UBE2Q2: variants seen among roughly 807,000 people sequenced by gnomAD.
UBE2Q2 encodes the protein ubiquitin-conjugating enzyme E2 Q2.
UBE2Q2 carries 54 observed loss-of-function variants against 59.9 expected under a neutral mutation model. The observed-to-expected ratio is 0.90, with a 90% CI of 0.72 to 1.13. UBE2Q2 has a LOEUF of 1.13. UBE2Q2 is among the 50% of genes most tolerant of loss of function. UBE2Q2 has a pLI of 0.00. For missense variants in UBE2Q2, 433 were observed against 441.9 expected, an observed-to-expected ratio of 0.98 and a Z score of 0.18; for synonymous variants, 165 against 155.2, an observed-to-expected ratio of 1.06 and a Z score of -0.47.
chr15:75,851,059 C>T (rs1311690672), intron 1 of UBE2Q2, among the ~76,000 whole-genome samples: 1 of 151,922 alleles, frequency 6.6e-6, no homozygotes. Flanking sequence ...TAAACAAAAT[C>T]CAACCTTATA....
At chr15:75,867,680 A>G (rs567840347) in intron 3 of UBE2Q2, among the ~76,000 whole-genome samples, 1 of 152,248 alleles carries the variant, frequency 6.6e-6, no homozygotes, top group South Asian at 2.1e-4. Flanking sequence ...AAAATGAGGG[A>G]TAGTAACTGG....
chr15:75,859,124 A>G (rs912240861), intron 2 of UBE2Q2, among the ~76,000 whole-genome samples: 24 of 152,356 alleles, frequency 1.6e-4, no homozygotes, highest in African/African-American at 5.8e-4. Flanking sequence ...ACTTGTGCAC[A>G]TGATTTACCT....
At chr15:75,879,067 T>C in intron 7 of UBE2Q2, 31 bp from the exon 8 acceptor site, 1 of 1,478,972 alleles carries the variant, frequency 6.8e-7, no homozygotes, top group African/African-American at 1.4e-5. Context: ...TAACTTTTTA[T>C]TTGAACTGTT....
chr15:75,863,649 T>C (rs570657455), intron 3 of UBE2Q2, among the ~76,000 whole-genome samples: 58 of 151,470 alleles, frequency 3.8e-4, no homozygotes, highest in Non-Finnish European at 6.2e-4. Context: ...GGCCAGTCTT[T>C]TTTTTTTTTT....
chr15:75,853,731 A>C (rs1375237148), intron 1 of UBE2Q2, among the ~76,000 whole-genome samples: 1 of 152,138 alleles, frequency 6.6e-6, no homozygotes, highest in Non-Finnish European at 1.5e-5. Flanking sequence ...GCCTCTCACC[A>C]GGCAGCGAAG....
intron 12 of UBE2Q2, 136 bp downstream of exon 12, chr15:75,897,197 A>C (rs1595903291): frequency 5.9e-6 from 2 of 337,062 alleles, no homozygotes; most frequent in East Asian, 9.7e-5. Flanking sequence ...CTTGTGCTGC[A>C]TACAAAATCT....
chr15:75,845,527 A>G (rs1896299375), intron 1 of UBE2Q2, among the ~76,000 whole-genome samples: 1 of 152,158 alleles, frequency 6.6e-6, no homozygotes, highest in South Asian at 2.1e-4. Context: ...GGCTGGTTTG[A>G]ATGATAGGAG....
chr15:75,885,406 G>T (rs905718159), intron 9 of UBE2Q2, among the ~76,000 whole-genome samples: 1 of 152,164 alleles, frequency 6.6e-6, no homozygotes, highest in Non-Finnish European at 1.5e-5. Context: ...ATGAGCTACC[G>T]CACCCCACCT....
chr15:75,876,687 AGTTAT>A lies in UBE2Q2; in HGVS notation c.673+422_673+426del, dbSNP rs1390396846. ...GATAATCAGCTTTTATTGTAAAGAT[AGTTAT>A]GTTATTACCTTTAAAATATATAAGT... On this transcript the variant is annotated intron_variant, in intron 6 of 12. Transcript: ENST00000267938. Among the ~76,000 whole-genome samples the A allele has an allele frequency of 2.6e-5, 4 of 152,310 alleles. No homozygotes were observed. In the East Asian group the frequency reaches 5.8e-4, roughly 22 times the overall value.
intron 1 of UBE2Q2, among the ~76,000 whole-genome samples, chr15:75,848,348 A>G (rs187660368): frequency 4.2e-4 from 64 of 152,362 alleles, no homozygotes; most frequent in African/African-American, 1.5e-3. Context: ...TACAAAGGAA[A>G]TAAACCTGGA....
intron 4 of UBE2Q2, among the ~76,000 whole-genome samples, chr15:75,869,923 G>T (rs1170621973): frequency 6.6e-6 from 1 of 152,026 alleles, no homozygotes; most frequent in Non-Finnish European, 1.5e-5. Flanking sequence ...CCAAATAGAG[G>T]ATATGTGAAT....
At chr15:75,843,876 C>T in intron 1 of UBE2Q2, 30 bp downstream of exon 1, 3 of 1,531,478 alleles carry the variant, frequency 2.0e-6, no homozygotes, top group Non-Finnish European at 2.6e-6. Flanking sequence ...CCCCGCGGGG[C>T]AGGGCGAGGA....
intron 9 of UBE2Q2, among the ~76,000 whole-genome samples, chr15:75,888,058 C>T (rs1351355720): frequency 6.6e-6 from 1 of 152,148 alleles, no homozygotes; most frequent in Non-Finnish European, 1.5e-5. Flanking sequence ...TATTTCTTGA[C>T]ATAGCCAAAC....
chr15:75,885,274 T>C (rs911817946), intron 9 of UBE2Q2, among the ~76,000 whole-genome samples: 8 of 152,106 alleles, frequency 5.3e-5, no homozygotes, highest in African/African-American at 1.7e-4. Flanking sequence ...TGCGCCACCA[T>C]GTCCAGCTAA....
At position 75,873,552 on chromosome 15, in the gene UBE2Q2, G is replaced by A. The variant is rs771904078; in HGVS notation, c.572G>A (p.Arg191Lys). ...AILEKIRKTQ[R>K]QDHLNGAVSG... Reference sequence around the variant, plus strand: ...TTAGAGAAAATTAGGAAGACTCAAAGGCAAGACCATTTAAATGTAAGTGTG... The same window carrying A: ...TTAGAGAAAATTAGGAAGACTCAAAAGCAAGACCATTTAAATGTAAGTGTG... The change falls in exon 5 of 13, where the codon AGG becomes AAG. Residue 191 changes from arginine to lysine, a missense_variant. Coordinates refer to ENST00000267938, the MANE Select transcript of UBE2Q2 (RefSeq NM_173469.4). The A allele has an allele frequency of 5.6e-6, 9 of 1,612,586 alleles. No homozygotes were observed. The Admixed American group carries it at 1.5e-4, about 27-fold the overall frequency.
At position 75,873,464 on chromosome 15, in the gene UBE2Q2, G is replaced by C. The variant is rs765602638; in HGVS notation, c.484G>C (p.Glu162Gln). ...EDLDHYEMKE[E>Q]EPISGKKSED... ...CTTAGATCACTATGAGATGAAGGAA[G>C]AAGAGCCTATTAGTGGGAAAAAGTC... Residue 162 changes from glutamate (E) to glutamine (Q), a missense_variant, in exon 5 of 13, where the codon GAA (glutamate) becomes CAA (glutamine). Transcript: ENST00000267938. 6.8e-6 allele frequency: 11 copies of C among 1,613,112 alleles called. No individual in the cohort carries two copies. The Admixed American group carries it at 1.8e-4, about 27-fold the overall frequency.
At chr15:75,871,895 C>T (rs1897814764) in intron 4 of UBE2Q2, among the ~76,000 whole-genome samples, 1 of 152,118 alleles carries the variant, frequency 6.6e-6, no homozygotes, top group African/African-American at 2.4e-5. Flanking sequence ...ATGTTGAATT[C>T]TGTTTGGGAT....
chr15:75,878,193 A>G (rs1898191658), intron 7 of UBE2Q2, 172 bp downstream of exon 7: 1 of 545,736 alleles, frequency 1.8e-6, no homozygotes, highest in Non-Finnish European at 3.2e-6. Flanking sequence ...CTGAGGTCTA[A>G]TAAGAAAGTG....
At chr15:75,867,966 G>T (rs1897590646) in intron 3 of UBE2Q2, among the ~76,000 whole-genome samples, 1 of 152,156 alleles carries the variant, frequency 6.6e-6, no homozygotes, top group South Asian at 2.1e-4. Flanking sequence ...AAGACAATGT[G>T]TCTAAAGAGA....
Sources: allele counts gnomAD v4.1 joint callset (sites outside exome capture counted in the v4.1 genomes callset), GRCh38; gene constraint gnomAD v4.1.1; transcripts MANE v1.5; gene names NCBI Gene and HGNC (gene_info 2026-07-23, HGNC 2026-07-21).